Variants in PALLD observed in about 807,000 individuals in gnomAD.
The protein encoded by PALLD is palladin, cytoskeletal associated protein, also known as palladin.
A neutral mutation model predicts 123.5 loss-of-function variants in PALLD; 61 were observed. The ratio of observed to expected loss-of-function variants is 0.49; its 90% confidence interval spans 0.40 to 0.61. The LOEUF is 0.61. PALLD is among the 20% of genes least tolerant of loss of function. The pLI is 0.00. For missense variants in PALLD, 1,273 were observed against 1,377.0 expected, an observed-to-expected ratio of 0.92 and a Z score of 1.20; for synonymous variants, 465 against 496.4, an observed-to-expected ratio of 0.94 and a Z score of 0.84.
At chr4:168,595,308 T>C (rs13134971) in intron 2 of PALLD, among the ~76,000 whole-genome samples, 23,854 of 152,156 alleles carry the variant, frequency 0.16, 2,138 homozygotes, top group East Asian at 0.33. Context: ...TTTTGGCAAG[T>C]GTGAAAGAAT....
intron 1 of PALLD, among the ~76,000 whole-genome samples, chr4:168,502,857 T>C (rs774371332): frequency 6.6e-6 from 1 of 152,146 alleles, no homozygotes; most frequent in East Asian, 1.9e-4. Flanking sequence ...TGAGCTATGA[T>C]CATGCCATTG....
chr4:168,509,144 C>A (rs1031697389), intron 1 of PALLD, among the ~76,000 whole-genome samples: 16 of 152,228 alleles, frequency 1.1e-4, no homozygotes, highest in Admixed American at 4.6e-4. Context: ...AATCTAAAAA[C>A]AATGCAAATT....
At chr4:168,608,064 C>G (rs544832287) in intron 2 of PALLD, among the ~76,000 whole-genome samples, 1 of 152,144 alleles carries the variant, frequency 6.6e-6, no homozygotes, top group Non-Finnish European at 1.5e-5. Context: ...CAGTAGGTCC[C>G]GTTTTTACAA....
At chr4:168,502,938 T>C (rs1761576954) in intron 1 of PALLD, among the ~76,000 whole-genome samples, 1 of 152,202 alleles carries the variant, frequency 6.6e-6, no homozygotes, top group African/African-American at 2.4e-5. Flanking sequence ...GAAGAGAGCA[T>C]GTCCCAGAGA....
intron 10 of PALLD, among the ~76,000 whole-genome samples, chr4:168,847,144 G>A (rs1289862309): frequency 6.6e-6 from 1 of 151,870 alleles, no homozygotes; most frequent in Non-Finnish European, 1.5e-5. Flanking sequence ...CTTTTTTGAG[G>A]GCAATTTATA....
intron 2 of PALLD, among the ~76,000 whole-genome samples, chr4:168,663,383 C>T (rs545891090): frequency 3.9e-5 from 6 of 152,250 alleles, no homozygotes; most frequent in African/African-American, 7.2e-5. Flanking sequence ...AGGCAAGGTA[C>T]GCAGGGTTAG....
intron 15 of PALLD, among the ~76,000 whole-genome samples, chr4:168,910,569 A>G (rs1758722482): frequency 1.3e-5 from 2 of 152,224 alleles, no homozygotes; most frequent in African/African-American, 4.8e-5. Flanking sequence ...GAGTGCTACA[A>G]TAATTTAACA....
intron 2 of PALLD, among the ~76,000 whole-genome samples, chr4:168,531,398 G>C (rs181632228): frequency 6.6e-6 from 1 of 152,126 alleles, no homozygotes; most frequent in Non-Finnish European, 1.5e-5. Context: ...GGATATCCCA[G>C]GTAAAGATGG....
intron 2 of PALLD, among the ~76,000 whole-genome samples, chr4:168,539,063 T>A (rs1765360691): frequency 1.3e-5 from 2 of 152,238 alleles, no homozygotes; most frequent in Admixed American, 1.3e-4. Context: ...AGAATTATAA[T>A]TTGAAATTGT....
At position 168,680,481 on chromosome 4, in the gene PALLD, C is replaced by CAA. The variant is rs571607157; in HGVS notation, c.1088-823_1088-822dup. ...TGGGTGACAGAGCAAGATTCCGTCT[C>CAA]AAAAAAAAAAAAAAAAAAAAAAAAA... On this transcript the variant is annotated intron_variant, in intron 3 of 21. Coordinates refer to ENST00000505667, the MANE Select transcript of PALLD (RefSeq NM_001166108.2). Among the ~76,000 whole-genome samples the CAA allele has an allele frequency of 1.6e-3, 95 of 59,168 alleles. 4 individuals are homozygous for CAA. The highest frequency in any genetic ancestry group is 5.2e-3 in the African/African-American group (81 of 15,644). 38.8% of individuals were successfully genotyped at this position (59,168 alleles called of 152,430 possible). A position where few individuals can be genotyped will look rare whatever the true frequency, so the allele number is the denominator to read the frequency against.
chr4:168,837,199 G>A (rs1257261634), intron 10 of PALLD, among the ~76,000 whole-genome samples: 1 of 152,170 alleles, frequency 6.6e-6, no homozygotes, highest in Non-Finnish European at 1.5e-5. Flanking sequence ...GAGAGCACAG[G>A]TAGCGGAAGA....
chr4:168,901,718 C>A (rs1304190470), intron 14 of PALLD, among the ~76,000 whole-genome samples: 1 of 152,022 alleles, frequency 6.6e-6, no homozygotes, highest in Non-Finnish European at 1.5e-5. Context: ...ATTAGCTGAG[C>A]ATGGAGGCGC....
chr4:168,799,610 A>G (rs947761852), intron 10 of PALLD, among the ~76,000 whole-genome samples: 4 of 152,332 alleles, frequency 2.6e-5, no homozygotes, highest in African/African-American at 9.6e-5. Context: ...GATTGCAATA[A>G]TTCCTGTGCT....
In PALLD at chr4:168,896,597, A is replaced by C; in HGVS notation, c.2248A>C (p.Lys750Gln). ...TGTAGGGAGTCCTCTGGATGGTCAA[A>C]AGGTTAAGCTTTTCACCTTTCTTCT... ...ASVGSPLDGQKEYKVSSCEQR... is the reference protein window; with the variant it reads ...ASVGSPLDGQQEYKVSSCEQR... The change falls in exon 13 of 22, where the codon AAG becomes CAG. Residue 750 changes from lysine (K) to glutamine (Q), a missense_variant and splice_region_variant. Lys to Gln is a moderately conservative substitution (Grantham distance 53). Coordinates refer to ENST00000505667, the MANE Select transcript of PALLD (RefSeq NM_001166108.2). 1 of 1,500,564 alleles carries C rather than the reference A, an allele frequency of 6.7e-7. No individual in the cohort carries two copies. Among genetic ancestry groups the C allele is most frequent in the Non-Finnish European group, 9.0e-7 (1 of 1,114,338 alleles). 93.0% of individuals were successfully genotyped at this position (1,500,564 alleles called of 1,614,324 possible).
At chr4:168,631,410 G>T (rs893259993) in intron 2 of PALLD, among the ~76,000 whole-genome samples, 1 of 152,198 alleles carries the variant, frequency 6.6e-6, no homozygotes, top group Non-Finnish European at 1.5e-5. Context: ...AGAAATCGCC[G>T]GTGGAACTTG....
intron 10 of PALLD, among the ~76,000 whole-genome samples, chr4:168,849,754 C>A (rs1482577780): frequency 9.6e-5 from 14 of 145,734 alleles, no homozygotes; most frequent in African/African-American, 1.3e-4. Flanking sequence ...ATTTTTAAAG[C>A]AAAAAAAAAA....
chr4:168,704,423 G>A (rs1016367746), intron 8 of PALLD, among the ~76,000 whole-genome samples: 3 of 152,280 alleles, frequency 2.0e-5, no homozygotes, highest in South Asian at 2.1e-4. Flanking sequence ...TGTAATCCCA[G>A]CACTTTGGGA....
chr4:168,651,022 G>A (rs904132373), intron 2 of PALLD, among the ~76,000 whole-genome samples: 1 of 152,104 alleles, frequency 6.6e-6, no homozygotes, highest in Non-Finnish European at 1.5e-5. Context: ...CAAGGGGTTT[G>A]GAAAGTGCCT....
chr4:168,724,109 G>A (rs1434264035), intron 10 of PALLD, among the ~76,000 whole-genome samples: 1 of 151,950 alleles, frequency 6.6e-6, no homozygotes, highest in Non-Finnish European at 1.5e-5. Flanking sequence ...TGACCAGGAT[G>A]GTCTTGATCT....
Sources: allele counts gnomAD v4.1 joint callset (sites outside exome capture counted in the v4.1 genomes callset), GRCh38; gene constraint gnomAD v4.1.1; transcripts MANE v1.5; gene names NCBI Gene and HGNC (gene_info 2026-07-23, HGNC 2026-07-21).